The following PRKN variants were observed in gnomAD, a reference collection of about 807,000 sequenced individuals.
PRKN encodes the protein E3 ubiquitin-protein ligase parkin.
Under a neutral mutation model 59.5 loss-of-function variants are expected in PRKN, and 56 were observed. The ratio of observed to expected loss-of-function variants is 0.94; its 90% confidence interval spans 0.76 to 1.18. The LOEUF is 1.18. Ranked by LOEUF, PRKN falls within the 50% of genes most tolerant of loss-of-function variation. The probability of loss-of-function intolerance (pLI) is 0.00; values close to 1 mark genes in which losing one functional copy is unlikely to be tolerated. For synonymous variants in PRKN, 250 were observed against 222.1 expected (o/e 1.13, Z -1.12); for missense variants, 657 against 596.4 (o/e 1.10, Z -1.06).
chr6:161,757,871 C>CTCTCTCTCTCTCTCTCTGTGTGTG (rs1380898753), intron 7 of PRKN, among the ~76,000 whole-genome samples: 2 of 97,984 alleles, frequency 2.0e-5, no homozygotes, highest in African/African-American at 9.0e-5. Flanking sequence ...CTCTCTCTCT[C>CTCTCTCTCTCTCTCTCTGTGTGTG]TGTGTATATA....
chr6:162,662,978 G>A (rs909165765), intron 1 of PRKN, among the ~76,000 whole-genome samples: 2 of 152,102 alleles, frequency 1.3e-5, no homozygotes, highest in Non-Finnish European at 2.9e-5. Context: ...AAGGAACCAA[G>A]AGCCTTGACA....
At position 162,663,985 on chromosome 6, in the gene PRKN, G is replaced by A. The variant is rs542778719; in HGVS notation, c.7+63677C>T. Among the ~76,000 whole-genome samples the A allele has an allele frequency of 4.0e-5, 6 of 151,644 alleles. No homozygotes were observed. In the East Asian group the frequency reaches 5.8e-4, roughly 15 times the overall value. On this transcript the variant is annotated intron_variant, in intron 1 of 11. Transcript: ENST00000366898. ...GCAGGTATACACGTTCTGGTACATA[G>A]GTATATGTGTGCCATGGTGGTTTGC... is the stretch of plus-strand genomic sequence containing the variant.
intron 7 of PRKN, among the ~76,000 whole-genome samples, chr6:161,734,783 T>C (rs945848242): frequency 4.6e-5 from 7 of 152,216 alleles, no homozygotes; most frequent in African/African-American, 1.7e-4. Flanking sequence ...ATAAGGTATG[T>C]ACACTCTGTA....
In PRKN at chr6:162,534,674, TG is replaced by T. The variant is rs560715233; in HGVS notation, c.8-91202del. Among the ~76,000 whole-genome samples, 13 of 152,304 alleles carry T rather than the reference TG, an allele frequency of 8.5e-5. No homozygotes were observed. The East Asian group carries it at 2.5e-3, about 29-fold the overall frequency. ...TACACCATCTCCAGCCTCAGACAAC[TG>T]CACTCAAGTTGCCCCTTTCCCGAGC... On this transcript the variant is annotated intron_variant, in intron 1 of 11. Transcript: ENST00000366898.
chr6:162,384,268 T>A (rs1371842065), intron 2 of PRKN, among the ~76,000 whole-genome samples: 1 of 152,184 alleles, frequency 6.6e-6, no homozygotes, highest in Non-Finnish European at 1.5e-5. Context: ...TGATTTAAAG[T>A]GAGAGATTTG....
At chr6:161,770,855 G>T (rs559115516) in intron 7 of PRKN, among the ~76,000 whole-genome samples, 2 of 151,984 alleles carry the variant, frequency 1.3e-5, no homozygotes, top group African/African-American at 4.8e-5. Flanking sequence ...ACGAGGAGAT[G>T]AGGACAGAGG....
chr6:162,371,970 C>T (rs933380715), intron 2 of PRKN, among the ~76,000 whole-genome samples: 1 of 152,154 alleles, frequency 6.6e-6, no homozygotes, highest in East Asian at 1.9e-4. Flanking sequence ...TTTGCTCCAG[C>T]ACCTTCTTGA....
At chr6:162,318,275 A>T (rs1337059148) in intron 2 of PRKN, among the ~76,000 whole-genome samples, 5 of 152,144 alleles carry the variant, frequency 3.3e-5, no homozygotes, top group Non-Finnish European at 7.3e-5. Flanking sequence ...ATAATATCAG[A>T]ATATGAAAAA....
In PRKN at chr6:162,235,965, G is replaced by GAAAGAAAAAGAAAGAAAGAAAGAAAGA. The variant is rs1562602335; in HGVS notation, c.412+26559_412+26560insTCTTTCTTTCTTTCTTTCTTTTTCTTT. On this transcript the variant is annotated intron_variant, in intron 3 of 11. Coordinates refer to ENST00000366898, the MANE Select transcript of PRKN (RefSeq NM_004562.3). The stretch of plus-strand genomic sequence containing the variant: ...AGGAAGGAAGGAAGAAAGGAAGAAA[G>GAAAGAAAAAGAAAGAAAGAAAGAAAGA]AAAGAAAGAAAGAAAGAAAGAAAGA... 3.7e-3 allele frequency among the ~76,000 whole-genome samples: 344 copies of GAAAGAAAAAGAAAGAAAGAAAGAAAGA among 93,642 alleles called. 23 individuals are homozygous for GAAAGAAAAAGAAAGAAAGAAAGAAAGA. Among genetic ancestry groups the GAAAGAAAAAGAAAGAAAGAAAGAAAGA allele is most frequent in the African/African-American group, 0.015 (308 of 20,090 alleles). 61.4% of individuals were successfully genotyped at this position (93,642 alleles called of 152,430 possible). A position where few individuals can be genotyped will look rare whatever the true frequency, so the allele number is the denominator to read the frequency against.
chr6:162,365,684 T>C (rs1264001675), intron 2 of PRKN, among the ~76,000 whole-genome samples: 1 of 152,162 alleles, frequency 6.6e-6, no homozygotes, highest in Admixed American at 6.6e-5. Flanking sequence ...GTTACTTCCT[T>C]GGTGAGGTCT....
At chr6:161,785,176 T>C (rs775730817) in intron 7 of PRKN, among the ~76,000 whole-genome samples, 2 of 152,182 alleles carry the variant, frequency 1.3e-5, no homozygotes, top group South Asian at 2.1e-4. Context: ...GAGGTAGTGG[T>C]TGTGCAACAT....
intron 2 of PRKN, among the ~76,000 whole-genome samples, chr6:162,435,704 C>A (rs185083362): frequency 6.6e-6 from 1 of 152,264 alleles, no homozygotes; most frequent in Non-Finnish European, 1.5e-5. Flanking sequence ...AGGAGGCCAG[C>A]AGTAAGTTCC....
intron 6 of PRKN, among the ~76,000 whole-genome samples, chr6:161,870,821 G>A (rs547270390): frequency 6.6e-6 from 1 of 152,170 alleles, no homozygotes; most frequent in African/African-American, 2.4e-5. Flanking sequence ...ATTGGTGATA[G>A]GTAGGTCTCC....
chr6:162,076,862 T>G (rs1778851480), intron 4 of PRKN, among the ~76,000 whole-genome samples: 1 of 152,176 alleles, frequency 6.6e-6, no homozygotes, highest in Admixed American at 6.5e-5. Flanking sequence ...AGCTCTTGAT[T>G]ATAAATCATT....
intron 2 of PRKN, among the ~76,000 whole-genome samples, chr6:162,319,594 A>G (rs546457966): frequency 6.6e-6 from 1 of 152,180 alleles, no homozygotes; most frequent in South Asian, 2.1e-4. Context: ...AGTGCGTAAC[A>G]TTCATTATCT....
At chr6:162,519,573 T>C (rs1778005548) in intron 1 of PRKN, among the ~76,000 whole-genome samples, 1 of 152,182 alleles carries the variant, frequency 6.6e-6, no homozygotes, top group Admixed American at 6.5e-5. Context: ...TGTGTGTGTA[T>C]GCATAAACAT....
At chr6:162,087,971 C>T (rs1270288922) in intron 4 of PRKN, among the ~76,000 whole-genome samples, 5 of 152,142 alleles carry the variant, frequency 3.3e-5, no homozygotes, top group Non-Finnish European at 5.9e-5. Context: ...GGAGCACTAA[C>T]GCTCCTCTGG....
chr6:161,838,322 A>G (rs1172096119), intron 6 of PRKN, among the ~76,000 whole-genome samples: 3 of 152,202 alleles, frequency 2.0e-5, no homozygotes, highest in Non-Finnish European at 2.9e-5. Context: ...TGTTACCCAT[A>G]AATAAAACAG....
chr6:162,597,378 G>A (rs554006982), intron 1 of PRKN, among the ~76,000 whole-genome samples: 4 of 152,092 alleles, frequency 2.6e-5, no homozygotes, highest in East Asian at 1.9e-4. Context: ...TTTACGAGGT[G>A]GAATTAAAAA....
Sources: gnomAD v4.1 joint callset for allele counts (sites outside exome capture counted in the v4.1 genomes callset) on GRCh38, gnomAD v4.1.1 for gene constraint, MANE v1.5 for transcripts, NCBI Gene and HGNC (gene_info 2026-07-23, HGNC 2026-07-21) for gene names.